Variants in BST1 observed in about 807,000 individuals in gnomAD.
The protein encoded by BST1 is ADP-ribosyl cyclase/cyclic ADP-ribose hydrolase 2.
In BST1, 49 loss-of-function variants were observed where a neutral mutation model predicts 40.6. The observed-to-expected ratio is 1.21, with a 90% CI of 0.96 to 1.53. The LOEUF (loss-of-function observed/expected upper bound fraction) is 1.53. Among genes scored for constraint, BST1 ranks in the 40% most tolerant of loss-of-function variants. The probability of loss-of-function intolerance (pLI) is 0.00; values close to 1 mark genes in which losing one functional copy is unlikely to be tolerated. For missense variants in BST1, 423 were observed against 395.9 expected (o/e 1.07, Z -0.58); for synonymous variants, 157 against 159.3 (o/e 0.99, Z 0.11).
chr4:15,738,358 T>C (rs1721643349), downstream of BST1: 1 of 153,024 alleles, frequency 6.5e-6, no homozygotes, highest in Non-Finnish European at 1.5e-5. Context: ...AAAAGAATAA[T>C]GACGTCTATA....
intron 4 of BST1, among the ~76,000 whole-genome samples, chr4:15,714,770 G>A (rs1030114873): frequency 6.6e-6 from 1 of 152,160 alleles, no homozygotes; most frequent in Non-Finnish European, 1.5e-5. Context: ...ACTTACACTG[G>A]CCAATCAGTT....
At chr4:15,735,914 G>A, downstream of BST1, 1 of 346,142 alleles carries the variant, frequency 2.9e-6, no homozygotes. Context: ...CCGAATATAA[G>A]AGTAATAATG....
At chr4:15,762,670 A>C in the BST1 span, among the ~76,000 whole-genome samples, 1 of 151,912 alleles carries the variant, frequency 6.6e-6, no homozygotes. Context: ...ATCTGAACTT[A>C]TAACTGAAAG....
chr4:15,772,489 G>C, the BST1 span, among the ~76,000 whole-genome samples: 1 of 152,192 alleles, frequency 6.6e-6, no homozygotes, highest in Non-Finnish European at 1.5e-5. Flanking sequence ...AGGGTACTAA[G>C]AGAATAAATT....
At chr4:15,735,286 T>C (rs537725041), downstream of BST1, among the ~76,000 whole-genome samples, 1 of 152,336 alleles carries the variant, frequency 6.6e-6, no homozygotes, top group Non-Finnish European at 1.5e-5. Flanking sequence ...ATTGTTTGGG[T>C]CCTTGCCTAA....
At chr4:15,703,927 T>C (rs1719717809) in intron 1 of BST1, among the ~76,000 whole-genome samples, 2 of 142,866 alleles carry the variant, frequency 1.4e-5, no homozygotes, top group Admixed American at 1.4e-4. Flanking sequence ...GGGGTGTGTG[T>C]ATTCTAGAGG....
At chr4:15,747,897 G>A in the BST1 span, among the ~76,000 whole-genome samples, 6 of 152,092 alleles carry the variant, frequency 3.9e-5, no homozygotes, top group Non-Finnish European at 8.8e-5. Context: ...GGCTGGTCTC[G>A]AATTCCTGGC....
At chr4:15,704,883 T>TA in intron 1 of BST1, 1 of 741,246 alleles carries the variant, frequency 1.3e-6, no homozygotes, top group Non-Finnish European at 2.5e-6. Context: ...TGTGATGTCT[T>TA]TCTTGTGCTG....
intron 6 of BST1, among the ~76,000 whole-genome samples, chr4:15,716,271 G>A (rs997390581): frequency 1.3e-5 from 2 of 152,178 alleles, no homozygotes; most frequent in African/African-American, 4.8e-5. Flanking sequence ...TTCTGGGAAA[G>A]CACGAGTTTA....
chr4:15,736,311 T>C (rs1250160303), downstream of BST1, among the ~76,000 whole-genome samples: 2 of 152,002 alleles, frequency 1.3e-5, no homozygotes, highest in Non-Finnish European at 2.9e-5. Flanking sequence ...AAGACAAATT[T>C]CAAATTTTAA....
chr4:15,746,482 A>T, the BST1 span, among the ~76,000 whole-genome samples: 1 of 152,266 alleles, frequency 6.6e-6, no homozygotes. Flanking sequence ...CAGAAGGCAT[A>T]GCAAAGTGAA....
chr4:15,731,386 C>A, intron 8 of BST1: 1 of 543,330 alleles, frequency 1.8e-6, no homozygotes, highest in South Asian at 1.9e-5. Context: ...TGGTGGAAAT[C>A]CACAGGCTTG....
intron 8 of BST1, among the ~76,000 whole-genome samples, chr4:15,726,136 G>GC (rs775846952): frequency 9.3e-6 from 1 of 107,590 alleles, no homozygotes; most frequent in Non-Finnish European, 1.9e-5. Flanking sequence ...AACTTTTAAA[G>GC]TTTTTTTTTT....
At chr4:15,721,358 C>A (rs774062866) in intron 7 of BST1, among the ~76,000 whole-genome samples, 89 of 152,182 alleles carry the variant, frequency 5.8e-4, no homozygotes, top group Non-Finnish European at 1.1e-3. Context: ...TCTGCCAGTA[C>A]TGTGTTGAAT....
chr4:15,734,068 A>G (rs1721478097), downstream of BST1, among the ~76,000 whole-genome samples: 1 of 152,230 alleles, frequency 6.6e-6, no homozygotes, highest in Non-Finnish European at 1.5e-5. Context: ...ATGAAACCCA[A>G]ATGTGAGAGC....
chr4:15,766,109 G>T, the BST1 span, among the ~76,000 whole-genome samples: 3 of 151,972 alleles, frequency 2.0e-5, no homozygotes, highest in Non-Finnish European at 4.4e-5. Flanking sequence ...TAGCCACTGA[G>T]GACGTACCTG....
the BST1 span, among the ~76,000 whole-genome samples, chr4:15,746,881 T>C: frequency 3.3e-5 from 5 of 152,274 alleles, no homozygotes; most frequent in East Asian, 9.7e-4. Context: ...CCTCAGTAAG[T>C]CCTTATTTAA....
intron 3 of BST1, among the ~76,000 whole-genome samples, chr4:15,708,413 G>A (rs945421747): frequency 1.3e-5 from 2 of 152,112 alleles, no homozygotes; most frequent in Admixed American, 1.3e-4. Flanking sequence ...CGAGTGATAT[G>A]GGCTATAATG....
the BST1 span, among the ~76,000 whole-genome samples, chr4:15,751,225 T>A: frequency 6.6e-6 from 1 of 152,122 alleles, no homozygotes; most frequent in Non-Finnish European, 1.5e-5. Context: ...AGAGTGGGGT[T>A]TTACAAGGTA....
Sources: allele counts gnomAD v4.1 joint callset (sites outside exome capture counted in the v4.1 genomes callset), GRCh38; gene constraint gnomAD v4.1.1; transcripts MANE v1.5; gene names NCBI Gene and HGNC (gene_info 2026-07-23, HGNC 2026-07-21).